The following CHL1 variants were observed in gnomAD, a reference collection of about 807,000 sequenced individuals.
CHL1 encodes neural cell adhesion molecule L1-like protein.
A neutral mutation model predicts 141.9 loss-of-function variants in CHL1; 96 were observed. That is an observed-to-expected ratio of 0.68 (90% CI 0.57 to 0.80). The LOEUF (loss-of-function observed/expected upper bound fraction) is 0.80, where lower values mean the gene tolerates loss of function less well. Ranked by LOEUF, CHL1 falls within the 30% of genes least tolerant of loss-of-function variation. CHL1 has a pLI of 0.00. For synonymous variants in CHL1, 613 were observed against 502.2 expected (o/e 1.22, Z -2.95); for missense variants, 1,820 against 1,457.2 (o/e 1.25, Z -4.05).
At chr3:398,964 A>T (rs1232797815) in intron 25 of CHL1, 53 bp from the exon 26 acceptor site, 1 of 1,568,928 alleles carries the variant, frequency 6.4e-7, no homozygotes, top group Non-Finnish European at 8.8e-7. Flanking sequence ...ATGTTACAGA[A>T]TACAAAAGAC....
At chr3:271,569 G>A (rs539475283) in intron 2 of CHL1, among the ~76,000 whole-genome samples, 6 of 152,192 alleles carry the variant, frequency 3.9e-5, no homozygotes, top group Non-Finnish European at 7.3e-5. Flanking sequence ...AAGAAGATTT[G>A]TATATTGGAA....
intron 10 of CHL1, among the ~76,000 whole-genome samples, chr3:353,964 T>C (rs1703485950): frequency 6.6e-6 from 1 of 152,180 alleles, no homozygotes; most frequent in Non-Finnish European, 1.5e-5. Context: ...CATCTGTTTC[T>C]GACATACTTT....
intron 27 of CHL1, among the ~76,000 whole-genome samples, chr3:404,938 G>A (rs1381968675): frequency 6.6e-6 from 1 of 152,158 alleles, no homozygotes. Context: ...CATTTTCAAT[G>A]TCTGGTGAAC....
rs1701690341 is a variant in CHL1, at chr3:229,710, G to A, written c.-174-14903G>A. 3.3e-5 allele frequency among the ~76,000 whole-genome samples: 5 copies of A among 151,094 alleles called. 1 individual carries two copies. On this transcript the variant is annotated intron_variant, in intron 1 of 27. Transcript: ENST00000256509. ...TTATGAAATGCCTATTGAGGTTTCA[G>A]TGGAATCTTTATAGCTGGACTTGAT...
chr3:389,482 A>G lies in CHL1; in HGVS notation c.2470+8A>G. Reference sequence around the variant, plus strand: ...TCTATTCTGGAGAAGACTGTAAGTGATGCACCTAAAACTGCTAAGCACGTC... The same window carrying G: ...TCTATTCTGGAGAAGACTGTAAGTGGTGCACCTAAAACTGCTAAGCACGTC... On this transcript the variant is annotated splice_region_variant and intron_variant, in intron 20 of 27. Coordinates refer to ENST00000256509, the MANE Select transcript of CHL1 (RefSeq NM_006614.4). 6.2e-7 allele frequency: 1 copy of G among 1,604,940 alleles called. No homozygotes were observed. The highest frequency in any genetic ancestry group is 1.1e-5 in the South Asian group (1 of 90,874).
chr3:341,634 GGAGACA>G (rs1228226111), intron 6 of CHL1, among the ~76,000 whole-genome samples: 1 of 152,146 alleles, frequency 6.6e-6, no homozygotes, highest in Non-Finnish European at 1.5e-5. Flanking sequence ...GGGCAGAGGT[GGAGACA>G]AAGATGGTAA....
At chr3:314,610 C>G (rs180921463) in intron 2 of CHL1, among the ~76,000 whole-genome samples, 1 of 151,930 alleles carries the variant, frequency 6.6e-6, no homozygotes, top group East Asian at 1.9e-4. Flanking sequence ...GCAGTCTCAT[C>G]TAGGATGGCT....
chr3:223,467 T>G (rs1158552426), intron 1 of CHL1, among the ~76,000 whole-genome samples: 2 of 152,224 alleles, frequency 1.3e-5, no homozygotes, highest in African/African-American at 2.4e-5. Flanking sequence ...TGCAACTGTG[T>G]AAGGAATAAA....
chr3:220,324 T>C (rs1700719378), intron 1 of CHL1, among the ~76,000 whole-genome samples: 1 of 152,106 alleles, frequency 6.6e-6, no homozygotes, highest in Admixed American at 6.5e-5. Flanking sequence ...TACAGTGAAG[T>C]CAGGAGTGGT....
chr3:347,872 A>G (rs2125186171), intron 9 of CHL1, among the ~76,000 whole-genome samples: 1 of 152,334 alleles, frequency 6.6e-6, no homozygotes, highest in African/African-American at 2.4e-5. Context: ...TAAGATTATT[A>G]TTCCAGGCTG....
intron 1 of CHL1, chr3:197,677 GAC>G (rs1698471495): frequency 5.0e-6 from 2 of 398,812 alleles, no homozygotes; most frequent in African/African-American, 4.2e-5. Flanking sequence ...GGAATCCATG[GAC>G]CGTGGGGTTG....
intron 2 of CHL1, among the ~76,000 whole-genome samples, chr3:309,943 C>G (rs1223332442): frequency 2.0e-5 from 3 of 152,076 alleles, no homozygotes; most frequent in East Asian, 3.8e-4. Flanking sequence ...AGTTTCCAGA[C>G]TCAATGAGAG....
intron 10 of CHL1, among the ~76,000 whole-genome samples, chr3:351,989 G>A (rs1409143096): frequency 6.6e-6 from 1 of 152,012 alleles, no homozygotes; most frequent in African/African-American, 2.4e-5. Context: ...CATTTCAATA[G>A]ACTATTTAAA....
chr3:364,356 G>T (rs1039625279), intron 14 of CHL1, among the ~76,000 whole-genome samples: 3 of 152,092 alleles, frequency 2.0e-5, no homozygotes, highest in Non-Finnish European at 4.4e-5. Flanking sequence ...TTTTCAAGAT[G>T]CCCTCATGAA....
rs573451064 is a variant in CHL1 at position 291,448 on chromosome 3, T to C, written c.-94-28235T>C. Among the ~76,000 whole-genome samples, 138 of 146,562 alleles carry C rather than the reference T, an allele frequency of 9.4e-4. 1 individual carries two copies. Among genetic ancestry groups the C allele is most frequent in the African/African-American group, 3.3e-3 (132 of 40,122 alleles). ...ATTTTTTCTTTTCTCTTCTTTTCTT[T>C]TCTTTTTCTTTTTCTTTTTTTTAAC... On this transcript the variant is annotated intron_variant, in intron 2 of 27. Coordinates refer to ENST00000256509, the MANE Select transcript of CHL1 (RefSeq NM_006614.4).
At chr3:360,994 A>T (rs1312794952) in intron 12 of CHL1, among the ~76,000 whole-genome samples, 2 of 151,660 alleles carry the variant, frequency 1.3e-5, no homozygotes, top group Non-Finnish European at 2.9e-5. Flanking sequence ...TCTATCATAG[A>T]TGGACATTTG....
rs890761624 is a variant in CHL1 at position 407,242 on chromosome 3, C to T, written c.*1531C>T. 1 of 152,026 alleles carries T rather than the reference C, an allele frequency of 6.6e-6. No homozygotes were observed. The highest frequency in any genetic ancestry group is 2.4e-5 in the African/African-American group (1 of 41,388). The allele number at this position is 152,026 out of a possible 1,614,324, so 9.4% of individuals were successfully genotyped here. A position where few individuals can be genotyped will look rare whatever the true frequency, so the allele number is the denominator to read the frequency against. On this transcript the variant is annotated 3_prime_UTR_variant, in exon 28 of 28. Transcript: ENST00000256509. ...GACTTATTTCACTTTAGTTTTTGAA[C>T]TGTGATTATTGGTATACTGTTATAT...
chr3:358,679 C>T (rs1703935093), intron 11 of CHL1, among the ~76,000 whole-genome samples: 1 of 151,972 alleles, frequency 6.6e-6, no homozygotes, highest in Non-Finnish European at 1.5e-5. Context: ...ACACTCAGGT[C>T]CTGCCCTTAG....
At chr3:200,389 A>G (rs1253365306) in intron 1 of CHL1, among the ~76,000 whole-genome samples, 1 of 152,120 alleles carries the variant, frequency 6.6e-6, no homozygotes, top group Non-Finnish European at 1.5e-5. Context: ...AAGAGAATGA[A>G]CTTGTCTCTG....
Sources: gnomAD v4.1 joint callset for allele counts (sites outside exome capture counted in the v4.1 genomes callset) on GRCh38, gnomAD v4.1.1 for gene constraint, MANE v1.5 for transcripts, NCBI Gene and HGNC (gene_info 2026-07-23, HGNC 2026-07-21) for gene names.